The following CFDP1 variants were observed in gnomAD, a reference collection of about 807,000 sequenced individuals.
The protein encoded by CFDP1 is chromatin remodeling protein CFDP1.
CFDP1 carries 31 observed loss-of-function variants against 40.1 expected under a neutral mutation model. That is an observed-to-expected ratio of 0.77 (90% confidence interval 0.58 to 1.04). The LOEUF (loss-of-function observed/expected upper bound fraction) is 1.04, where lower values mean the gene tolerates loss of function less well. Among genes scored for constraint, CFDP1 ranks in the 50% least tolerant of loss-of-function variants. The pLI, the probability that CFDP1 is intolerant of heterozygous loss-of-function variation, is 0.00. For synonymous variants in CFDP1, 167 were observed against 120.0 expected (o/e 1.39, Z -2.56); for missense variants, 423 against 343.4 (o/e 1.23, Z -1.83).
At chr16:75,297,701 T>C (rs771584855) in intron 6 of CFDP1, among the ~76,000 whole-genome samples, 2 of 152,242 alleles carry the variant, frequency 1.3e-5, no homozygotes, top group Non-Finnish European at 2.9e-5. Flanking sequence ...TAAGAGGCTC[T>C]TCACTTTCTT....
At chr16:75,354,012 T>G (rs563222503) in intron 5 of CFDP1, among the ~76,000 whole-genome samples, 33 of 152,314 alleles carry the variant, frequency 2.2e-4, no homozygotes, top group African/African-American at 7.5e-4. Context: ...GAAAGTGATA[T>G]GCATTCAGCA....
Position 75,350,528 on chromosome 16 carries a change from A to G in CFDP1, c.650+44562T>C, listed in dbSNP as rs192246251. ...TTAAATTAAGTATTGTTATTTTTAA[A>G]TTATTACAGACATTTAATCAGACAC... is the stretch of plus-strand genomic sequence containing the variant. On this transcript the variant is annotated intron_variant, in intron 5 of 6. Coordinates refer to ENST00000283882, the MANE Select transcript of CFDP1 (RefSeq NM_006324.3). Among the ~76,000 whole-genome samples the G allele has an allele frequency of 5.6e-4, 85 of 152,314 alleles. No individual in the cohort carries two copies. In the East Asian group the frequency reaches 0.016, roughly 28 times the overall value.
At chr16:75,296,026 G>T (rs1403996807) in intron 6 of CFDP1, among the ~76,000 whole-genome samples, 1 of 152,178 alleles carries the variant, frequency 6.6e-6, no homozygotes, top group Non-Finnish European at 1.5e-5. Context: ...CGGGGACCAG[G>T]ATTTTGACAG....
rs553540519 is a variant in CFDP1 at position 75,375,567 on chromosome 16, G to A, written c.650+19523C>T. ...AGCACTTTGGGAGGCCGAGGCGGGT[G>A]GATCACCTCAGGTCAGGAGTTCAAG... On this transcript the variant is annotated intron_variant, in intron 5 of 6. Transcript: ENST00000283882. 3.9e-5 allele frequency among the ~76,000 whole-genome samples: 6 copies of A among 152,164 alleles called. No homozygotes were observed. In the East Asian group the frequency reaches 1.2e-3, roughly 29 times the overall value.
At chr16:75,390,773 T>G (rs1307762509) in intron 5 of CFDP1, among the ~76,000 whole-genome samples, 2 of 152,354 alleles carry the variant, frequency 1.3e-5, no homozygotes, top group Admixed American at 1.3e-4. Flanking sequence ...TCTCAGCTCC[T>G]GTCAGGAGGT....
intron 1 of CFDP1, among the ~76,000 whole-genome samples, chr16:75,430,576 G>A (rs1441075254): frequency 1.3e-5 from 2 of 151,904 alleles, no homozygotes; most frequent in African/African-American, 4.8e-5. Context: ...GAGATCTCGT[G>A]CCTCAGCCTC....
chr16:75,314,836 C>T (rs1268832163), intron 5 of CFDP1, among the ~76,000 whole-genome samples: 1 of 152,202 alleles, frequency 6.6e-6, no homozygotes, highest in African/African-American at 2.4e-5. Context: ...ACTGCCAACG[C>T]TGCCTCCTGG....
chr16:75,410,907 T>C (rs1252949277), intron 4 of CFDP1, among the ~76,000 whole-genome samples: 8 of 64,748 alleles, frequency 1.2e-4, no homozygotes, highest in East Asian at 8.0e-4. Context: ...AGACTCTGTC[T>C]CAAAAAAAAA....
intron 5 of CFDP1, among the ~76,000 whole-genome samples, chr16:75,341,102 T>TAG (rs1271463896): frequency 1.3e-5 from 2 of 152,216 alleles, no homozygotes. Context: ...CCCAGAGCAC[T>TAG]TTCTAATGCT....
At chr16:75,409,301 GT>G (rs933672595) in intron 4 of CFDP1, 16 of 152,048 alleles carry the variant, frequency 1.1e-4, no homozygotes, top group African/African-American at 3.9e-4. Flanking sequence ...GAAATGTAAT[GT>G]TATGTCTATT....
chr16:75,430,231 C>T (rs1321777369), intron 1 of CFDP1, among the ~76,000 whole-genome samples: 1 of 151,046 alleles, frequency 6.6e-6, no homozygotes, highest in Admixed American at 6.6e-5. Context: ...AGTGCAGTGG[C>T]GCAACCTCAG....
chr16:75,363,663 T>C (rs1245429600), intron 5 of CFDP1, among the ~76,000 whole-genome samples: 3 of 152,156 alleles, frequency 2.0e-5, no homozygotes, highest in African/African-American at 4.8e-5. Context: ...CCCAAAGTGC[T>C]GCGATTACAG....
At chr16:75,308,591 A>G (rs769764447) in intron 5 of CFDP1, among the ~76,000 whole-genome samples, 8 of 152,222 alleles carry the variant, frequency 5.3e-5, no homozygotes, top group Non-Finnish European at 8.8e-5. Flanking sequence ...TACAGAACCA[A>G]TTCATGGAAG....
intron 5 of CFDP1, among the ~76,000 whole-genome samples, chr16:75,360,529 C>A (rs1396770981): frequency 2.6e-5 from 4 of 152,180 alleles, no homozygotes. Context: ...AGGAATACTA[C>A]CCCTCTTCTT....
intron 5 of CFDP1, among the ~76,000 whole-genome samples, chr16:75,312,747 A>G (rs1335292420): frequency 6.6e-6 from 1 of 152,046 alleles, no homozygotes; most frequent in African/African-American, 2.4e-5. Context: ...TGTCAGGGAG[A>G]ACTAAGAAAT....
At chr16:75,330,035 T>C (rs149474023) in intron 5 of CFDP1, among the ~76,000 whole-genome samples, 2 of 152,310 alleles carry the variant, frequency 1.3e-5, no homozygotes, top group African/African-American at 4.8e-5. Flanking sequence ...TTATTAGAAA[T>C]GCAAACTCTA....
intron 4 of CFDP1, among the ~76,000 whole-genome samples, chr16:75,401,055 G>C (rs1309344354): frequency 3.3e-5 from 5 of 152,136 alleles, no homozygotes. Flanking sequence ...CAGCACTTTG[G>C]GAGGCCGAGG....
chr16:75,402,406 C>T (rs912699020), intron 4 of CFDP1, among the ~76,000 whole-genome samples: 1 of 152,208 alleles, frequency 6.6e-6, no homozygotes, highest in African/African-American at 2.4e-5. Context: ...CTAACTGGCT[C>T]AGCTGGTTAT....
chr16:75,319,385 T>C (rs560301391), intron 5 of CFDP1, among the ~76,000 whole-genome samples: 1 of 152,208 alleles, frequency 6.6e-6, no homozygotes, highest in South Asian at 2.1e-4. Context: ...AAATTCCAAA[T>C]GAGGAGGAGA....
Sources: gnomAD v4.1 joint callset for allele counts (sites outside exome capture counted in the v4.1 genomes callset) on GRCh38, gnomAD v4.1.1 for gene constraint, MANE v1.5 for transcripts, NCBI Gene and HGNC (gene_info 2026-07-23, HGNC 2026-07-21) for gene names.